EXOC6B: variants seen among roughly 807,000 people sequenced by gnomAD.
EXOC6B encodes the protein SEC15 homolog B.
A neutral mutation model predicts 113.5 loss-of-function variants in EXOC6B; 54 were observed. That is an observed-to-expected ratio of 0.48 (90% confidence interval 0.38 to 0.60). The LOEUF (loss-of-function observed/expected upper bound fraction) is 0.60, where lower values mean the gene tolerates loss of function less well. Ranked by LOEUF, EXOC6B falls within the 20% of genes least tolerant of loss-of-function variation. The pLI, the probability that EXOC6B is intolerant of heterozygous loss-of-function variation, is 0.00. For missense variants in EXOC6B, 797 were observed against 977.5 expected, an observed-to-expected ratio of 0.82 and a Z score of 2.46; for synonymous variants, 357 against 339.0, an observed-to-expected ratio of 1.05 and a Z score of -0.58.
chr2:72,767,564 C>G (rs1440149751), intron 1 of EXOC6B, among the ~76,000 whole-genome samples: 1 of 151,728 alleles, frequency 6.6e-6, no homozygotes, highest in African/African-American at 2.4e-5. Context: ...AATCCCAACA[C>G]TTTGGGAGGC....
In EXOC6B at chr2:72,725,860, A is replaced by G. The variant is rs115500504; in HGVS notation, c.464+5147T>C. Among the ~76,000 whole-genome samples the G allele has an allele frequency of 6.3e-3, 954 of 152,340 alleles. 8 individuals are homozygous for G. The highest frequency in any genetic ancestry group is 0.021 in the African/African-American group (877 of 41,578). On this transcript the variant is annotated intron_variant, in intron 5 of 21. Transcript: ENST00000272427. ...GCACCAAATGTTTACCATGCGACCC[A>G]GAAATTCTACTCCTAAGTATATTTG...
chr2:72,241,801 TCAAA>T (rs1213747296), intron 20 of EXOC6B, among the ~76,000 whole-genome samples: 2 of 152,122 alleles, frequency 1.3e-5, no homozygotes, highest in African/African-American at 2.4e-5. Flanking sequence ...AAAGACTTCC[TCAAA>T]CAAACAAATA....
intron 19 of EXOC6B, among the ~76,000 whole-genome samples, chr2:72,339,524 G>A (rs1396595292): frequency 6.6e-6 from 1 of 152,136 alleles, no homozygotes; most frequent in Non-Finnish European, 1.5e-5. Flanking sequence ...GACTAGCAAG[G>A]TGGCTTCTTC....
intron 8 of EXOC6B, among the ~76,000 whole-genome samples, chr2:72,548,818 G>A (rs1253844265): frequency 6.6e-6 from 1 of 152,098 alleles, no homozygotes; most frequent in African/African-American, 2.4e-5. Context: ...AAGTTAAGCA[G>A]TAATATAAAT....
intron 18 of EXOC6B, among the ~76,000 whole-genome samples, chr2:72,460,535 A>C (rs1272741812): frequency 3.9e-5 from 6 of 152,144 alleles, no homozygotes; most frequent in African/African-American, 9.7e-5. Context: ...ACCCCATCAA[A>C]AAGTGGGTGA....
At chr2:72,310,132 C>T (rs1008509359) in intron 20 of EXOC6B, among the ~76,000 whole-genome samples, 1 of 152,062 alleles carries the variant, frequency 6.6e-6, no homozygotes, top group Non-Finnish European at 1.5e-5. Flanking sequence ...CACTTGTTTT[C>T]AATAATTTTC....
At chr2:72,693,303 TGAGACG>T (rs1677635252) in intron 6 of EXOC6B, among the ~76,000 whole-genome samples, 1 of 152,034 alleles carries the variant, frequency 6.6e-6, no homozygotes, top group Non-Finnish European at 1.5e-5. Context: ...TTTTTTTCTT[TGAGACG>T]GAGTCTTTCT....
chr2:72,344,716 C>G (rs1303730999), intron 19 of EXOC6B, among the ~76,000 whole-genome samples: 1 of 151,998 alleles, frequency 6.6e-6, no homozygotes, highest in East Asian at 1.9e-4. Context: ...TTTCTCTGGA[C>G]CTCTACGGTT....
At chr2:72,271,579 G>C (rs914741442) in intron 20 of EXOC6B, among the ~76,000 whole-genome samples, 1 of 151,612 alleles carries the variant, frequency 6.6e-6, no homozygotes, top group African/African-American at 2.4e-5. Flanking sequence ...AGAAAGAGAA[G>C]GAGACAGAAT....
At chr2:72,532,389 T>C (rs539017978) in intron 8 of EXOC6B, among the ~76,000 whole-genome samples, 71 of 152,276 alleles carry the variant, frequency 4.7e-4, no homozygotes, top group Non-Finnish European at 7.8e-4. Flanking sequence ...ACCAAAATTC[T>C]TTTTCTAAGG....
intron 16 of EXOC6B, among the ~76,000 whole-genome samples, chr2:72,481,695 A>G (rs1381657405): frequency 3.9e-5 from 6 of 152,150 alleles, no homozygotes; most frequent in Non-Finnish European, 8.8e-5. Flanking sequence ...TTATAACCCT[A>G]TTTCTTTATC....
rs1359085812 is a variant in EXOC6B, at chr2:72,460,874, C to T, written c.1980+4286G>A. Among the ~76,000 whole-genome samples the T allele has an allele frequency of 6.6e-5, 10 of 151,138 alleles. No homozygotes were observed. In the East Asian group the frequency reaches 7.8e-4, roughly 12 times the overall value. ...CATTACTGGGTATATACCCAAAGGA[C>T]TATAAATCATGCTGCTATAAAGACA... On this transcript the variant is annotated intron_variant, in intron 18 of 21. Transcript: ENST00000272427.
rs1231482131 is a variant in EXOC6B, at chr2:72,648,898, C to G, written c.669+69205G>C. On this transcript the variant is annotated intron_variant, in intron 6 of 21. Transcript: ENST00000272427. ...CTGGCTCATGCTTGTAATTCCAGCA[C>G]TTTGGGAGGCCGAGGCAGGAGGATC... 2.0e-5 allele frequency among the ~76,000 whole-genome samples: 3 copies of G among 152,272 alleles called. 1 individual carries two copies. Among genetic ancestry groups the G allele is most frequent in the South Asian group, 4.1e-4 (2 of 4,828 alleles).
At chr2:72,663,255 T>A (rs1675150807) in intron 6 of EXOC6B, among the ~76,000 whole-genome samples, 1 of 152,170 alleles carries the variant, frequency 6.6e-6, no homozygotes, top group African/African-American at 2.4e-5. Context: ...GGTATTCTGC[T>A]GAATGAAAGA....
intron 8 of EXOC6B, among the ~76,000 whole-genome samples, chr2:72,536,093 T>C (rs1318686921): frequency 6.6e-6 from 1 of 152,156 alleles, no homozygotes; most frequent in Non-Finnish European, 1.5e-5. Flanking sequence ...GATTTTAAAA[T>C]GTTCCCTCAG....
At chr2:72,339,352 C>CTTTG (rs1688893489) in intron 19 of EXOC6B, among the ~76,000 whole-genome samples, 2 of 152,088 alleles carry the variant, frequency 1.3e-5, no homozygotes, top group African/African-American at 4.8e-5. Flanking sequence ...TCTTTGCAAT[C>CTTTG]CAGAATTTTT....
At chr2:72,774,470 C>T (rs1439518431) in intron 1 of EXOC6B, among the ~76,000 whole-genome samples, 1 of 152,080 alleles carries the variant, frequency 6.6e-6, no homozygotes, top group African/African-American at 2.4e-5. Flanking sequence ...AAATATAAAA[C>T]AGTACAGCCA....
chr2:72,215,783 A>C (rs912780188), intron 20 of EXOC6B, among the ~76,000 whole-genome samples: 4 of 152,100 alleles, frequency 2.6e-5, no homozygotes, highest in Non-Finnish European at 5.9e-5. Context: ...ACAGGGGAGG[A>C]GACCAGAAAA....
At chr2:72,765,952 G>T (rs552785067) in intron 1 of EXOC6B, among the ~76,000 whole-genome samples, 3 of 152,176 alleles carry the variant, frequency 2.0e-5, no homozygotes, top group African/African-American at 7.2e-5. Flanking sequence ...TTAGAATCCT[G>T]AAGAGGAAAG....
Sources: allele counts gnomAD v4.1 joint callset (sites outside exome capture counted in the v4.1 genomes callset), GRCh38; gene constraint gnomAD v4.1.1; transcripts MANE v1.5; gene names NCBI Gene and HGNC (gene_info 2026-07-23, HGNC 2026-07-21).